WAC: variants seen among roughly 807,000 people sequenced by gnomAD.
The protein encoded by WAC is WW domain containing adaptor with coiled-coil.
Under a neutral mutation model 79.6 loss-of-function variants are expected in WAC, and 11 were observed. The ratio of observed to expected loss-of-function variants is 0.14; its 90% CI spans 0.09 to 0.23. The LOEUF is 0.23. WAC is among the 10% of genes least tolerant of loss of function. The probability of loss-of-function intolerance (pLI) is 1.00; values close to 1 mark genes in which losing one functional copy is unlikely to be tolerated. For synonymous variants in WAC, 304 were observed against 276.9 expected, an observed-to-expected ratio of 1.10 and a Z score of -0.97; for missense variants, 728 against 773.5, an observed-to-expected ratio of 0.94 and a Z score of 0.70.
chr10:28,567,318 T>C (rs796385290), intron 3 of WAC, among the ~76,000 whole-genome samples: 4 of 152,268 alleles, frequency 2.6e-5, no homozygotes, highest in African/African-American at 9.6e-5. Flanking sequence ...TGTGTTTGTT[T>C]TGAGTGGATC....
chr10:28,597,051 T>C (rs987871115), intron 7 of WAC, among the ~76,000 whole-genome samples: 2 of 151,630 alleles, frequency 1.3e-5, no homozygotes, highest in African/African-American at 4.9e-5. Flanking sequence ...GAAATTTTCT[T>C]ATTACATGTT....
rs1328977555 is a variant in WAC, at chr10:28,614,699, G to A, written c.1556+14G>A. 2 of 1,579,706 alleles carry A rather than the reference G, an allele frequency of 1.3e-6. No individual in the cohort carries two copies. Among genetic ancestry groups the A allele is most frequent in the African/African-American group, 2.7e-5 (2 of 74,108 alleles). The stretch of plus-strand genomic sequence containing the variant: ...TCAGCGCTCAAGGTAGGTTGATATT[G>A]TATATTGAGACCACATTGTTTTATT... On this transcript the variant is annotated intron_variant, in intron 11 of 13. Coordinates refer to ENST00000354911, the MANE Select transcript of WAC (RefSeq NM_016628.5).
intron 3 of WAC, among the ~76,000 whole-genome samples, chr10:28,567,090 A>G (rs10826479): frequency 0.03 from 4,531 of 150,146 alleles, 232 homozygotes; most frequent in African/African-American, 0.1. Context: ...TATGATTGAC[A>G]TTGCTTTCAG....
At chr10:28,619,385 T>G in intron 13 of WAC, 152 bp from the exon 14 acceptor site, 1 of 592,120 alleles carries the variant, frequency 1.7e-6, no homozygotes, top group Non-Finnish European at 2.9e-6. Flanking sequence ...GTCTTAACTG[T>G]AAACCAATTT....
chr10:28,561,801 G>A (rs1200737116), intron 3 of WAC, among the ~76,000 whole-genome samples: 1 of 152,148 alleles, frequency 6.6e-6, no homozygotes, highest in Non-Finnish European at 1.5e-5. Context: ...TCTCATAGGA[G>A]CATGAGAACC....
intron 4 of WAC, 190 bp from the exon 5 acceptor site, chr10:28,589,546 A>T (rs561247193): frequency 3.1e-6 from 1 of 326,532 alleles, no homozygotes; most frequent in East Asian, 4.8e-5. Flanking sequence ...TTGATATTTT[A>T]TAAAGTTCTG....
At chr10:28,550,184 T>C (rs1420552733) in intron 3 of WAC, among the ~76,000 whole-genome samples, 5 of 151,794 alleles carry the variant, frequency 3.3e-5, no homozygotes, top group African/African-American at 1.2e-4. Flanking sequence ...AAAAAAAGTT[T>C]GTTTTATGAG....
rs1215054940 is a variant in WAC at position 28,588,727 on chromosome 10, T to C, written c.382-1009T>C. 8 of 152,320 alleles carry C rather than the reference T, an allele frequency of 5.3e-5. No individual in the cohort carries two copies. In the East Asian group the frequency reaches 1.5e-3, roughly 29 times the overall value. 9.4% of individuals were successfully genotyped at this position (152,320 alleles called of 1,614,324 possible). A position where few individuals can be genotyped will look rare whatever the true frequency, so the allele number is the denominator to read the frequency against. ...TTTTAAGTGGTTTAATCTTTTTAAATATTTTTTAATTTTTCTAAATTGACA... is the reference window on the plus strand; with the variant it reads ...TTTTAAGTGGTTTAATCTTTTTAAACATTTTTTAATTTTTCTAAATTGACA... On this transcript the variant is annotated intron_variant, in intron 4 of 13. Coordinates refer to ENST00000354911, the MANE Select transcript of WAC (RefSeq NM_016628.5).
chr10:28,615,297 C>T (rs1841425126), intron 11 of WAC: 1 of 152,120 alleles, frequency 6.6e-6, no homozygotes, highest in Non-Finnish European at 1.5e-5. Context: ...AATAATTCAA[C>T]TGTTGTTTTT....
chr10:28,587,667 T>C (rs539128647), intron 4 of WAC, among the ~76,000 whole-genome samples: 1 of 152,374 alleles, frequency 6.6e-6, no homozygotes, highest in South Asian at 2.1e-4. Context: ...GTAAAAATTA[T>C]CCCATAATTT....
At chr10:28,600,901 A>G (rs1353513998) in intron 7 of WAC, among the ~76,000 whole-genome samples, 2 of 152,134 alleles carry the variant, frequency 1.3e-5, no homozygotes, top group Admixed American at 1.3e-4. Flanking sequence ...TCCAATGAAC[A>G]GAAAATTAGA....
chr10:28,618,337 T>TG (rs1841563618), intron 13 of WAC, among the ~76,000 whole-genome samples: 1 of 149,000 alleles, frequency 6.7e-6, no homozygotes, highest in African/African-American at 2.5e-5. Flanking sequence ...AATGGCTTTA[T>TG]GTCCTGTCTG....
At chr10:28,537,323 C>G (rs1487951506) in intron 3 of WAC, among the ~76,000 whole-genome samples, 2 of 152,264 alleles carry the variant, frequency 1.3e-5, no homozygotes, top group East Asian at 3.9e-4. Context: ...AGATGGTACT[C>G]TCTATCAACC....
At position 28,605,907 on chromosome 10, in the gene WAC, A is replaced by G. The variant is rs190617166; in HGVS notation, c.920-2279A>G. 1.4e-3 allele frequency among the ~76,000 whole-genome samples: 210 copies of G among 152,256 alleles called. 3 individuals are homozygous for G. Among genetic ancestry groups the G allele is most frequent in the Non-Finnish European group, 1.2e-4 (8 of 67,978 alleles). ...TTAATTCATGCAGTAAGTAGAAATA[A>G]AGAGTTTATTTCATTATTAATATTA... is the stretch of plus-strand genomic sequence containing the variant. On this transcript the variant is annotated intron_variant, in intron 7 of 13. Coordinates refer to ENST00000354911, the MANE Select transcript of WAC (RefSeq NM_016628.5).
intron 4 of WAC, among the ~76,000 whole-genome samples, chr10:28,585,897 T>C (rs1380134505): frequency 6.6e-6 from 1 of 152,168 alleles, no homozygotes; most frequent in Non-Finnish European, 1.5e-5. Context: ...TCAGAAAGAA[T>C]AAATAATGGG....
chr10:28,533,994 T>A lies in WAC; in HGVS notation c.42-4T>A, dbSNP rs754375177. The A allele has an allele frequency of 6.2e-7, 1 of 1,605,218 alleles. No homozygotes were observed. The highest frequency in any genetic ancestry group is 8.5e-7 in the Non-Finnish European group (1 of 1,176,126). On this transcript the variant is annotated splice_region_variant and splice_polypyrimidine_tract_variant and intron_variant, in intron 1 of 13. Transcript: ENST00000354911. ...TGTCGCTGCCTTCTCTTCCTGTTTTTCAGCTGTCACGACCGGAGGGGGGAC... is the reference window on the plus strand; with the variant it reads ...TGTCGCTGCCTTCTCTTCCTGTTTTACAGCTGTCACGACCGGAGGGGGGAC...
At chr10:28,552,221 T>G (rs1246334268) in intron 3 of WAC, among the ~76,000 whole-genome samples, 2 of 152,230 alleles carry the variant, frequency 1.3e-5, no homozygotes, top group Non-Finnish European at 2.9e-5. Context: ...ATATGTGTGG[T>G]TTTTGAAAAG....
chr10:28,591,807 C>T (rs1311884856), intron 6 of WAC: 12 of 144,592 alleles, frequency 8.3e-5, no homozygotes, highest in Non-Finnish European at 1.8e-4. Context: ...TGCACTCTAG[C>T]CTGGCAACAG....
chr10:28,558,073 C>CG (rs1283998866), intron 3 of WAC, among the ~76,000 whole-genome samples: 2 of 150,954 alleles, frequency 1.3e-5, no homozygotes, highest in Non-Finnish European at 2.9e-5. Flanking sequence ...GATTCTGTCT[C>CG]GGAAAAAAAA....
Sources: allele counts gnomAD v4.1 joint callset (sites outside exome capture counted in the v4.1 genomes callset), GRCh38; gene constraint gnomAD v4.1.1; transcripts MANE v1.5; gene names NCBI Gene and HGNC (gene_info 2026-07-23, HGNC 2026-07-21).